The following PLEC variants were observed in gnomAD, a reference collection of about 807,000 sequenced individuals.
The protein encoded by PLEC is plectin, also known as hemidesmosomal protein 1.
In PLEC, 216 loss-of-function variants were observed where a neutral mutation model predicts 392.8. That is an observed-to-expected ratio of 0.55 (90% CI 0.49 to 0.62). PLEC has a LOEUF of 0.62. PLEC is among the 20% of genes least tolerant of loss of function. PLEC has a pLI of 0.00. For missense variants in PLEC, 6,863 were observed against 6,563.4 expected, an observed-to-expected ratio of 1.05 and a Z score of -1.58; for synonymous variants, 3,621 against 2,980.6, an observed-to-expected ratio of 1.21 and a Z score of -7.00.
chr8:143,921,699 C>T lies in PLEC; in HGVS notation c.8122G>A (p.Glu2708Lys), dbSNP rs2131188018. The change falls in exon 32 of 32, where the codon GAG becomes AAG. Residue 2708 changes from glutamate to lysine, a missense_variant. By Grantham distance (56) the Glu-to-Lys change is moderately conservative (BLOSUM62 1). Transcript: ENST00000345136. Reference protein sequence around the residue: ...IAGLLLKATNEKLSVYAALQR... With the variant: ...IAGLLLKATNKKLSVYAALQR... ...AGGGCGGCGTAAACACTCAGCTTCTCATTGGTGGCCTTCAGCAACAGCCCT... is the reference window on the plus strand; with the variant it reads ...AGGGCGGCGTAAACACTCAGCTTCTTATTGGTGGCCTTCAGCAACAGCCCT... 1 of 1,613,088 alleles carries T rather than the reference C, an allele frequency of 6.2e-7. No homozygotes were observed.
chr8:143,942,274 C>G (rs1383742663), upstream of PLEC: 11 of 1,258,100 alleles, frequency 8.7e-6, no homozygotes, highest in African/African-American at 1.5e-5. Flanking sequence ...AAGGCTGCAC[C>G]GGGCCAAGGC....
At position 143,921,160 on chromosome 8, in the gene PLEC, C is replaced by T; in HGVS notation, c.8661G>A (p.Lys2887=). 6.2e-7 allele frequency: 1 copy of T among 1,613,788 alleles called. No individual in the cohort carries two copies. Residue 2887 remains lysine, a synonymous_variant, in exon 32 of 32, where the codon AAG becomes AAA. Transcript: ENST00000345136. Reference sequence around the variant, plus strand: ...AGACCAGCTCCCCGCCCTTGGCAGCCTTATCCGTGAGTGGCAGAAGGCACA... The same window carrying T: ...AGACCAGCTCCCCGCCCTTGGCAGCTTTATCCGTGAGTGGCAGAAGGCACA... The part of the protein sequence containing the change: ...TGLCLLPLTD[K]AAKGGELVYT...
At chr8:143,942,634 A>C (rs1587289701), upstream of PLEC, 7 of 1,220,012 alleles carry the variant, frequency 5.7e-6, no homozygotes, top group Non-Finnish European at 6.5e-6. Context: ...CACCTCTTCC[A>C]CCTCCCCCCC....
chr8:143,925,577 T>C lies in PLEC; in HGVS notation c.4352A>G (p.Glu1451Gly), dbSNP rs782276999. ...EAAERSRLRI[E>G]EEIRVVRLQL... ...CAGGCGCACCACGCGGATCTCCTCC[T>C]CGATGCGCAGCCGGCTGCGCTCAGC... is the stretch of plus-strand genomic sequence containing the variant. Residue 1451 changes from glutamate to glycine, a missense_variant, in exon 31 of 32, where the codon GAG (glutamate) becomes GGG (glycine). Physicochemically the swap from Glu to Gly is moderately conservative, Grantham distance 98 (BLOSUM62 -2). Coordinates refer to ENST00000345136, the MANE Select transcript of PLEC (RefSeq NM_201384.3). 4.9e-5 allele frequency: 77 copies of C among 1,581,052 alleles called. No individual in the cohort carries two copies. Among genetic ancestry groups the C allele is most frequent in the Non-Finnish European group, 6.3e-5 (74 of 1,171,546 alleles).
upstream of PLEC, chr8:143,944,554 C>T (rs1831145154): frequency 1.9e-5 from 13 of 694,088 alleles, no homozygotes; most frequent in East Asian, 2.7e-4. Flanking sequence ...CGAGGGACAG[C>T]GCCCCTGGCC....
In PLEC at chr8:143,920,254, C is replaced by A; in HGVS notation, c.9567G>T (p.Pro3189=). 6.3e-7 allele frequency: 1 copy of A among 1,598,604 alleles called. No individual in the cohort carries two copies. Among genetic ancestry groups the A allele is most frequent in the Non-Finnish European group, 8.5e-7 (1 of 1,177,730 alleles). The change falls in exon 32 of 32, where the codon CCG becomes CCT. Residue 3189 remains proline (P), a synonymous_variant. Coordinates refer to ENST00000345136, the MANE Select transcript of PLEC (RefSeq NM_201384.3). ...GCTGCTGGAGCTCGCCGTAGGTGGC[C>A]GGCTCCCCTGTGCTGGGGTCACTGT... The part of the protein sequence containing the change: ...KAYSDPSTGE[P]ATYGELQQRC...
Position 143,916,497 on chromosome 8 carries a change from G to A in PLEC, c.13324C>T (p.Leu4442Phe), listed in dbSNP as rs782122441. 6 of 1,611,738 alleles carry A rather than the reference G, an allele frequency of 3.7e-6. No individual in the cohort carries two copies. Among genetic ancestry groups the A allele is most frequent in the Non-Finnish European group, 5.1e-6 (6 of 1,179,426 alleles). ...SKYLTCPKTK[L>F]KISYKDALDR... ...AGCGCGTCCTTATAGGAGATCTTGA[G>A]CTTGGTCTTAGGGCAGGTGAGGTAC... Residue 4442 changes from leucine to phenylalanine, a missense_variant, in exon 32 of 32, where the codon CTC (leucine) becomes TTC (phenylalanine). By Grantham distance (22) the Leu-to-Phe change is conservative. Coordinates refer to ENST00000345136, the MANE Select transcript of PLEC (RefSeq NM_201384.3).
Position 143,924,286 on chromosome 8 carries a change from C to A in PLEC, c.5643G>T (p.Glu1881Asp). The change falls in exon 31 of 32, where the codon GAG becomes GAT. Residue 1881 changes from glutamate to aspartate, a missense_variant. Transcript: ENST00000345136. ...CAGCCTTGTGTTGCGCGGCCTGCTC[C>A]TCCAGCCGCCGCCGCTGGAAGGCCT... Reference protein sequence around the residue: ...EDEAFQRRRLEEQAAQHKADI... With the variant: ...EDEAFQRRRLDEQAAQHKADI... 1 of 1,595,780 alleles carries A rather than the reference C, an allele frequency of 6.3e-7. No homozygotes were observed. The highest frequency in any genetic ancestry group is 1.7e-5 in the Admixed American group (1 of 59,810).
chr8:143,963,781 T>A (rs1415706490), intron 1 of PLEC, among the ~76,000 whole-genome samples: 2 of 151,368 alleles, frequency 1.3e-5, no homozygotes, highest in Non-Finnish European at 2.9e-5. Flanking sequence ...CAGCTGGGAC[T>A]ACAGCCATGT....
Position 143,917,570 on chromosome 8 carries a change from G to C in PLEC, c.12251C>G (p.Ser4084Trp). ...GTCAAAGAAGCCCTTGGTGTCGTCC[G>C]AGGGGTCGGTCAGGATCTCGTTCAT... ...EEMNEILTDP[S>W]DDTKGFFDPN... Residue 4084 changes from serine (S) to tryptophan (W), a missense_variant, in exon 32 of 32, where the codon TCG becomes TGG. Transcript: ENST00000345136. 1 of 1,613,900 alleles carries C rather than the reference G, an allele frequency of 6.2e-7. No individual in the cohort carries two copies. Among genetic ancestry groups the C allele is most frequent in the Non-Finnish European group, 8.5e-7 (1 of 1,180,008 alleles).
chr8:143,943,800 G>A (rs782503757), upstream of PLEC: 12 of 1,611,946 alleles, frequency 7.4e-6, no homozygotes, highest in Admixed American at 1.2e-4. Flanking sequence ...TGCGCCCACC[G>A]ACGTCCCCTG....
chr8:143,931,813 G>C, intron 18 of PLEC, 124 bp downstream of exon 18: 1 of 1,435,634 alleles, frequency 7.0e-7, no homozygotes, highest in Non-Finnish European at 9.6e-7. Context: ...CCCCGGTCAG[G>C]CTGCAGGCAG....
chr8:143,944,922 C>G (rs185116804), intron 1 of PLEC, among the ~76,000 whole-genome samples: 1 of 152,194 alleles, frequency 6.6e-6, no homozygotes, highest in East Asian at 1.9e-4. Flanking sequence ...GGCACCCAGG[C>G]CCCGCTGCAG....
In PLEC at chr8:143,924,721, C is replaced by A. The variant is rs1462538425; in HGVS notation, c.5208G>T (p.Leu1736=). 6.5e-7 allele frequency: 1 copy of A among 1,534,502 alleles called. No individual in the cohort carries two copies. The highest frequency in any genetic ancestry group is 1.4e-5 in the African/African-American group (1 of 72,964). ...CAGCCGCCTCACGCTGCAGCCGGGCCAGCTCCTCCTCCAGCAGCTGCCGCT... is the reference window on the plus strand; with the variant it reads ...CAGCCGCCTCACGCTGCAGCCGGGCAAGCTCCTCCTCCAGCAGCTGCCGCT... ...EQQRQLLEEE[L]ARLQREAAAA... is the part of the protein sequence containing the mutation. Residue 1736 remains leucine (L), a synonymous_variant, in exon 31 of 32, where the codon CTG becomes CTT. Coordinates refer to ENST00000345136, the MANE Select transcript of PLEC (RefSeq NM_201384.3).
At chr8:143,926,734 C>T in intron 30 of PLEC, 50 bp downstream of exon 30, 1 of 1,453,902 alleles carries the variant, frequency 6.9e-7, no homozygotes, top group Non-Finnish European at 9.7e-7. Context: ...TGGGACACAA[C>T]AGGTGGTGAG....
At chr8:143,931,355 G>A (rs1227381324) in intron 19 of PLEC, among the ~76,000 whole-genome samples, 179 bp downstream of exon 19, 2 of 106,534 alleles carry the variant, frequency 1.9e-5, no homozygotes, top group African/African-American at 5.4e-5. Flanking sequence ...AGTCTCCAGA[G>A]TACCCATGCA....
In PLEC at chr8:143,929,514, A is replaced by G. The variant is rs782399546; in HGVS notation, c.2981T>C (p.Leu994Pro). 6.2e-7 allele frequency: 1 copy of G among 1,612,452 alleles called. No homozygotes were observed. Among genetic ancestry groups the G allele is most frequent in the Non-Finnish European group, 8.5e-7 (1 of 1,179,910 alleles). The part of the protein sequence containing the change: ...RCISELKDIR[L>P]QLEACETRTV... ...GCGCGTCTCACAGGCCTCCAGCTGC[A>G]GCCGGATGTCTTTGAGCTCGGAGAT... The change falls in exon 24 of 32, where the codon CTG becomes CCG. Residue 994 changes from leucine to proline, a missense_variant. Physicochemically the swap from Leu to Pro is moderately conservative, Grantham distance 98. Transcript: ENST00000345136.
At chr8:143,940,429 G>C (rs782471416), upstream of PLEC, among the ~76,000 whole-genome samples, 1 of 152,242 alleles carries the variant, frequency 6.6e-6, no homozygotes, top group Non-Finnish European at 1.5e-5. Flanking sequence ...ACCTGAGGCA[G>C]GACCTGGGCG....
rs782237566 is a variant in PLEC, at chr8:143,917,476, G to A, written c.12345C>T (p.Gly4115=). The change falls in exon 32 of 32, where the codon GGC becomes GGT. Residue 4115 remains glycine (G), a synonymous_variant. Transcript: ENST00000345136. ...MERCITDPQT[G]LCLLPLKEKK... ...TCTCCTTCAGCGGCAAGAGACACAGGCCCGTCTGGGGGTCAGTGATACAAC... is the reference window on the plus strand; with the variant it reads ...TCTCCTTCAGCGGCAAGAGACACAGACCCGTCTGGGGGTCAGTGATACAAC... 26 of 1,613,720 alleles carry A rather than the reference G, an allele frequency of 1.6e-5. No homozygotes were observed. Among genetic ancestry groups the A allele is most frequent in the Non-Finnish European group, 2.5e-6 (3 of 1,180,034 alleles).
Sources: gnomAD v4.1 joint callset for allele counts (sites outside exome capture counted in the v4.1 genomes callset) on GRCh38, gnomAD v4.1.1 for gene constraint, MANE v1.5 for transcripts, NCBI Gene and HGNC (gene_info 2026-07-23, HGNC 2026-07-21) for gene names.